Variants in SLC26A8 observed in about 807,000 individuals in gnomAD.
The protein encoded by SLC26A8 is solute carrier family 26 member 8.
Under a neutral mutation model 105.0 loss-of-function variants are expected in SLC26A8, and 70 were observed. The observed-to-expected ratio is 0.67, with a 90% CI of 0.55 to 0.81. The LOEUF is 0.81. Ranked by LOEUF, SLC26A8 falls within the 40% of genes least tolerant of loss-of-function variation. SLC26A8 has a pLI of 0.00. For synonymous variants in SLC26A8, 415 were observed against 438.3 expected (o/e 0.95, Z 0.66); for missense variants, 998 against 1,181.8 (o/e 0.84, Z 2.28).
intron 4 of SLC26A8, 84 bp from the exon 5 acceptor site, chr6:35,998,003 T>C: frequency 5.5e-6 from 7 of 1,283,012 alleles, no homozygotes; most frequent in Non-Finnish European, 7.7e-6. Context: ...GGTTGAATTC[T>C]GGATTGTCCT....
chr6:35,959,459 C>T lies in SLC26A8; in HGVS notation c.1863+1G>A. Reference sequence around the variant, plus strand: ...CATAGGAAAGAAAAGGCATTTCTAACCCTGGGCAGCGGCTCCAGATCATCA... The same window carrying T: ...CATAGGAAAGAAAAGGCATTTCTAATCCTGGGCAGCGGCTCCAGATCATCA... On this transcript the variant is annotated splice_donor_variant, in intron 16 of 19. Transcript: ENST00000490799. LOFTEE classifies it high-confidence loss of function. 1.9e-6 allele frequency: 3 copies of T among 1,607,020 alleles called. No individual in the cohort carries two copies. The highest frequency in any genetic ancestry group is 1.7e-6 in the Non-Finnish European group (2 of 1,178,010).
In SLC26A8 at chr6:35,977,455, T is replaced by TG; in HGVS notation, c.1026-105_1026-104insC. 5 of 1,287,158 alleles carry TG rather than the reference T, an allele frequency of 3.9e-6. No individual in the cohort carries two copies. The South Asian group carries it at 8.7e-5, about 22-fold the overall frequency. 79.7% of individuals were successfully genotyped at this position (1,287,158 alleles called of 1,614,324 possible). A position where few individuals can be genotyped will look rare whatever the true frequency, so the allele number is the denominator to read the frequency against. On this transcript the variant is annotated intron_variant, in intron 8 of 19. Transcript: ENST00000490799. Reference sequence around the variant, plus strand: ...GCTGTCCTGATTCTTTTTTTTTTTTTTTTAATAACAATAGGGACAAGCGGA... The same window carrying TG: ...GCTGTCCTGATTCTTTTTTTTTTTTTGTTTAATAACAATAGGGACAAGCGGA...
At chr6:35,950,221 T>A (rs982260865) in intron 19 of SLC26A8, among the ~76,000 whole-genome samples, 2 of 152,174 alleles carry the variant, frequency 1.3e-5, no homozygotes, top group African/African-American at 4.8e-5. Flanking sequence ...TTTAATTTCC[T>A]TTTTTTGTTT....
In SLC26A8 at chr6:35,944,134, C is replaced by T; in HGVS notation, c.2679G>A (p.Glu893=). ...GCTCCATCTCGGTCTGGGTCTTGGT[C>T]TCGGTCTCAGCCTTGGGCTCCATTT... ...EPEMEPKAET[E]TKTQTEMEPQ... is the part of the protein sequence containing the mutation. The change falls in exon 20 of 20, where the codon GAG becomes GAA. Residue 893 remains glutamate (E), a synonymous_variant. Transcript: ENST00000490799. 1 of 1,614,094 alleles carries T rather than the reference C, an allele frequency of 6.2e-7. No individual in the cohort carries two copies. The highest frequency in any genetic ancestry group is 8.5e-7 in the Non-Finnish European group (1 of 1,180,014).
chr6:35,982,210 G>A lies in SLC26A8; in HGVS notation c.943-7C>T, dbSNP rs201799088. On this transcript the variant is annotated splice_polypyrimidine_tract_variant and splice_region_variant and intron_variant, in intron 7 of 19. Transcript: ENST00000490799. ...TCACAGTGAAGCCAATAATCTGTAG[G>A]GGGTAAAAAAAGAAGGGATGGGGGC... The A allele has an allele frequency of 1.9e-6, 3 of 1,613,558 alleles. No homozygotes were observed. The South Asian group carries it at 3.3e-5, about 18-fold the overall frequency.
At chr6:35,997,979 C>CA in intron 4 of SLC26A8, 60 bp from the exon 5 acceptor site, 1 of 1,490,892 alleles carries the variant, frequency 6.7e-7, no homozygotes, top group Non-Finnish European at 9.3e-7. Context: ...CTGATATTGA[C>CA]AAAAGCAAGG....
At chr6:35,968,597 G>GAAATATACATATGTGTGTA (rs1209916814) in intron 11 of SLC26A8, among the ~76,000 whole-genome samples, 1,147 of 59,998 alleles carry the variant, frequency 0.019, 8 homozygotes, top group Non-Finnish European at 0.028. Flanking sequence ...GTATGTGTGT[G>GAAATATACATATGTGTGTA]TGTGTGTGTG....
chr6:35,951,585 GT>G lies in SLC26A8; in HGVS notation c.2233-87del, dbSNP rs1771875367. 1.6e-5 allele frequency: 24 copies of G among 1,497,610 alleles called. 1 individual carries two copies. The Middle Eastern group carries it at 1.1e-3, about 66-fold the overall frequency. The allele number at this position is 1,497,610 out of a possible 1,614,324, so 92.8% of individuals were successfully genotyped here. The stretch of plus-strand genomic sequence containing the variant: ...ATTAGCTAAGTTTTTGTCTTGTTTT[GT>G]TTTGGTTTTTTGTGACAGAGTCTCA... On this transcript the variant is annotated intron_variant, in intron 17 of 19. Coordinates refer to ENST00000490799, the MANE Select transcript of SLC26A8 (RefSeq NM_052961.4).
In SLC26A8 at chr6:35,944,279, G is replaced by C. The variant is rs1271212606; in HGVS notation, c.2534C>G (p.Pro845Arg). ...AGGCTGTTGGATCTTGATGAAGCCTGGACTTACATTTTTTTGGCTTCCTAG... is the reference window on the plus strand; with the variant it reads ...AGGCTGTTGGATCTTGATGAAGCCTCGACTTACATTTTTTTGGCTTCCTAG... ...SFLGSQKNVS[P>R]GFIKIQQPVE... is the part of the protein sequence containing the mutation. The change falls in exon 20 of 20, where the codon CCA becomes CGA. Residue 845 changes from proline (P) to arginine (R), a missense_variant. Coordinates refer to ENST00000490799, the MANE Select transcript of SLC26A8 (RefSeq NM_052961.4). 7 of 1,613,862 alleles carry C rather than the reference G, an allele frequency of 4.3e-6. No homozygotes were observed. The highest frequency in any genetic ancestry group is 1.3e-5 in the African/African-American group (1 of 74,834).
chr6:35,952,720 T>C (rs1208513766), intron 17 of SLC26A8, among the ~76,000 whole-genome samples: 1 of 151,910 alleles, frequency 6.6e-6, no homozygotes, highest in Non-Finnish European at 1.5e-5. Flanking sequence ...CCAATAAGAA[T>C]GGACTGATGG....
At chr6:36,020,861 T>C (rs923312624) in intron 1 of SLC26A8, among the ~76,000 whole-genome samples, 1 of 152,162 alleles carries the variant, frequency 6.6e-6, no homozygotes, top group Non-Finnish European at 1.5e-5. Context: ...ATTACACAAT[T>C]ATATAGATGA....
chr6:35,949,279 A>C (rs1771776476), intron 19 of SLC26A8, among the ~76,000 whole-genome samples: 2 of 152,214 alleles, frequency 1.3e-5, no homozygotes, highest in Non-Finnish European at 2.9e-5. Context: ...TAAAAATATA[A>C]AAATTATCCA....
In SLC26A8 at chr6:36,019,201, C is replaced by T. The variant is rs192593284; in HGVS notation, c.188+319G>A. 1.4e-4 allele frequency among the ~76,000 whole-genome samples: 21 copies of T among 152,248 alleles called. 1 individual carries two copies. Among genetic ancestry groups the T allele is most frequent in the South Asian group, 8.3e-4 (4 of 4,814 alleles). Reference sequence around the variant, plus strand: ...TTGGCCTCCTGAAGTGCTGGGATTACGGGCGTGAGCCATTGCGTCTTGCTG... The same window carrying T: ...TTGGCCTCCTGAAGTGCTGGGATTATGGGCGTGAGCCATTGCGTCTTGCTG... On this transcript the variant is annotated intron_variant, in intron 2 of 19. Transcript: ENST00000490799.
rs367673330 is a variant in SLC26A8, at chr6:35,959,944, T to C, written c.1639-138A>G. The C allele has an allele frequency of 1.3e-5, 9 of 684,800 alleles. No individual in the cohort carries two copies. In the East Asian group the frequency reaches 1.7e-4, roughly 13 times the overall value. 42.4% of individuals were successfully genotyped at this position (684,800 alleles called of 1,614,324 possible). On this transcript the variant is annotated intron_variant, in intron 14 of 19. Transcript: ENST00000490799. ...TTTTTTTTGAGACAGAGTCTCACTC[T>C]GTTGCCCAGGCTGGAGTGCAATGGC... is the stretch of plus-strand genomic sequence containing the variant.
chr6:35,968,534 CATCT>C (rs1443634724), intron 11 of SLC26A8, among the ~76,000 whole-genome samples: 4 of 131,516 alleles, frequency 3.0e-5, no homozygotes, highest in Admixed American at 7.5e-5. Context: ...AATACTATTA[CATCT>C]ATCTATCTAC....
At chr6:35,971,868 A>G (rs1772811849) in intron 10 of SLC26A8, among the ~76,000 whole-genome samples, 1 of 152,226 alleles carries the variant, frequency 6.6e-6, no homozygotes, top group African/African-American at 2.4e-5. Context: ...GCAGGGGGCA[A>G]TGACAGAAAC....
intron 14 of SLC26A8, 136 bp downstream of exon 14, chr6:35,960,707 A>C (rs1171806421): frequency 1.2e-6 from 1 of 830,184 alleles, no homozygotes; most frequent in Non-Finnish European, 1.9e-6. Flanking sequence ...ACCAGTGTAC[A>C]TCACATCCCC....
chr6:35,975,686 G>A (rs1304722242), intron 9 of SLC26A8, among the ~76,000 whole-genome samples, 198 bp from the exon 10 acceptor site: 1 of 151,966 alleles, frequency 6.6e-6, no homozygotes, highest in Non-Finnish European at 1.5e-5. Flanking sequence ...GGCTGAGGCT[G>A]GTGGATCACC....
At position 36,000,108 on chromosome 6, in the gene SLC26A8, C is replaced by A. The variant is rs758369045; in HGVS notation, c.329G>T (p.Gly110Val). The change falls in exon 4 of 20, where the codon GGC becomes GTC. Residue 110 changes from glycine (G) to valine (V), a missense_variant and splice_region_variant. Transcript: ENST00000490799. ...CCTTGCCAGCAAACTAAGTGTCAGG[C>A]CTGAAAAACAAGATAATTTAAGAAA... is the stretch of plus-strand genomic sequence containing the variant. ...ISVGLVQVPQGLTLSLLARQL... is the reference protein window; with the variant it reads ...ISVGLVQVPQVLTLSLLARQL... The A allele has an allele frequency of 6.2e-7, 1 of 1,602,860 alleles. No homozygotes were observed. Among genetic ancestry groups the A allele is most frequent in the Non-Finnish European group, 8.5e-7 (1 of 1,171,334 alleles).
Sources: gnomAD v4.1 joint callset for allele counts (sites outside exome capture counted in the v4.1 genomes callset) on GRCh38, gnomAD v4.1.1 for gene constraint, MANE v1.5 for transcripts, NCBI Gene and HGNC (gene_info 2026-07-23, HGNC 2026-07-21) for gene names.